The following CCDC85A variants were observed in gnomAD, a reference collection of about 807,000 sequenced individuals.
CCDC85A encodes coiled-coil domain-containing protein 85A.
Under a neutral mutation model 50.2 loss-of-function variants are expected in CCDC85A, and 38 were observed. The ratio of observed to expected loss-of-function variants is 0.76; its 90% CI spans 0.58 to 0.99. The LOEUF (loss-of-function observed/expected upper bound fraction) is 0.99. Ranked by LOEUF, CCDC85A falls within the 50% of genes least tolerant of loss-of-function variation. The probability of loss-of-function intolerance (pLI) is 0.00; values close to 1 mark genes in which losing one functional copy is unlikely to be tolerated. For missense variants in CCDC85A, 820 were observed against 742.0 expected, an observed-to-expected ratio of 1.11 and a Z score of -1.22; for synonymous variants, 366 against 301.4, an observed-to-expected ratio of 1.21 and a Z score of -2.22.
At chr2:56,257,016 A>T (rs1001043525) in intron 2 of CCDC85A, among the ~76,000 whole-genome samples, 1 of 152,118 alleles carries the variant, frequency 6.6e-6, no homozygotes, top group African/African-American at 2.4e-5. Flanking sequence ...ACTGAAGTCC[A>T]TATAGTACTG....
chr2:56,337,907 C>A (rs1674156970), intron 2 of CCDC85A, among the ~76,000 whole-genome samples: 1 of 151,920 alleles, frequency 6.6e-6, no homozygotes. Flanking sequence ...GCCTCAGCCT[C>A]CCGAGTAGCT....
chr2:56,284,318 C>T (rs934647148), intron 2 of CCDC85A, among the ~76,000 whole-genome samples: 1 of 152,124 alleles, frequency 6.6e-6, no homozygotes, highest in Admixed American at 6.5e-5. Context: ...TTCTACATTT[C>T]TGAATATAGT....
chr2:56,220,584 G>A (rs939207160), intron 2 of CCDC85A, among the ~76,000 whole-genome samples: 6 of 151,964 alleles, frequency 3.9e-5, no homozygotes, highest in South Asian at 4.1e-4. Context: ...TCAGTATTCC[G>A]TAAATTGCAG....
chr2:56,273,095 C>G (rs1030517851), intron 2 of CCDC85A, among the ~76,000 whole-genome samples: 1 of 151,954 alleles, frequency 6.6e-6, no homozygotes, highest in East Asian at 1.9e-4. Context: ...CTAAATAAAA[C>G]AGTATATAGC....
chr2:56,333,239 A>G (rs1673903421), intron 2 of CCDC85A, among the ~76,000 whole-genome samples: 1 of 152,086 alleles, frequency 6.6e-6, no homozygotes, highest in Non-Finnish European at 1.5e-5. Context: ...AAATGAGAGG[A>G]CTGGGCACGT....
At position 56,295,945 on chromosome 2, in the gene CCDC85A, A is replaced by G. The variant is rs535204758; in HGVS notation, c.1241-46934A>G. ...GCAAATCTAGCTGACAGGTTTTTCTACGACTTTCTAATTAAGTCTGTAAGT... is the reference window on the plus strand; with the variant it reads ...GCAAATCTAGCTGACAGGTTTTTCTGCGACTTTCTAATTAAGTCTGTAAGT... On this transcript the variant is annotated intron_variant, in intron 2 of 5. Transcript: ENST00000407595. 5.8e-4 allele frequency among the ~76,000 whole-genome samples: 89 copies of G among 152,346 alleles called. 1 individual carries two copies. The South Asian group carries it at 0.018, about 30-fold the overall frequency.
intron 2 of CCDC85A, among the ~76,000 whole-genome samples, chr2:56,211,406 A>G (rs1268678363): frequency 6.6e-6 from 1 of 151,736 alleles, no homozygotes; most frequent in Admixed American, 6.6e-5. Flanking sequence ...TTCCTCCTGC[A>G]TTTTTTTATT....
chr2:56,375,912 G>C lies in CCDC85A; in HGVS notation c.1549G>C (p.Glu517Gln). The C allele has an allele frequency of 6.2e-7, 1 of 1,613,790 alleles. No homozygotes were observed. Among genetic ancestry groups the C allele is most frequent in the South Asian group, 1.1e-5 (1 of 91,072 alleles). ...ACATGCCACACCTTCCCAGCAGCCT[G>C]AACCTGTGGTACATTCTCTTAAGGT... ...SGHATPSQQP[E>Q]PVVHSLKVVW... is the part of the protein sequence containing the mutation. Residue 517 changes from glutamate to glutamine, a missense_variant, in exon 5 of 6, where the codon GAA becomes CAA. Transcript: ENST00000407595.
At chr2:56,279,941 G>C (rs1671129834) in intron 2 of CCDC85A, among the ~76,000 whole-genome samples, 1 of 152,272 alleles carries the variant, frequency 6.6e-6, no homozygotes, top group East Asian at 1.9e-4. Flanking sequence ...TAACAAAGTT[G>C]GTGCTGTTAA....
At chr2:56,296,141 C>T (rs993042634) in intron 2 of CCDC85A, among the ~76,000 whole-genome samples, 6 of 152,098 alleles carry the variant, frequency 3.9e-5, no homozygotes, top group African/African-American at 7.2e-5. Context: ...ATGGGTATAG[C>T]TTTCATTGCC....
chr2:56,265,686 C>T (rs894704432), intron 2 of CCDC85A, among the ~76,000 whole-genome samples: 13 of 152,030 alleles, frequency 8.6e-5, no homozygotes, highest in Admixed American at 2.6e-4. Flanking sequence ...GCCTTGCACA[C>T]GGTTGGTGGT....
intron 1 of CCDC85A, 62 bp downstream of exon 1, chr2:56,184,962 G>A (rs1675941374): frequency 7.0e-7 from 1 of 1,428,012 alleles, no homozygotes. Flanking sequence ...CGAGGAGGAG[G>A]CGGGGCCAGG....
chr2:56,201,037 G>A (rs1264903816), intron 2 of CCDC85A, among the ~76,000 whole-genome samples: 2 of 146,938 alleles, frequency 1.4e-5, no homozygotes, highest in East Asian at 4.2e-4. Context: ...AGTGGATTTG[G>A]TAATTGCTCA....
At chr2:56,328,071 C>T (rs1673567541) in intron 2 of CCDC85A, among the ~76,000 whole-genome samples, 2 of 152,100 alleles carry the variant, frequency 1.3e-5, no homozygotes, top group South Asian at 2.1e-4. Context: ...TTAGAGCTGT[C>T]ATCTGAATCC....
chr2:56,371,657 G>A (rs756305740), intron 3 of CCDC85A, among the ~76,000 whole-genome samples: 2 of 152,060 alleles, frequency 1.3e-5, no homozygotes, highest in African/African-American at 2.4e-5. Context: ...GTTTGGTGAT[G>A]GAAAAAGCTA....
chr2:56,380,040 A>G (rs1211489103), intron 5 of CCDC85A, among the ~76,000 whole-genome samples: 2 of 152,182 alleles, frequency 1.3e-5, no homozygotes, highest in Non-Finnish European at 2.9e-5. Flanking sequence ...GTTACAGAAT[A>G]TTCAATTTAG....
intron 5 of CCDC85A, among the ~76,000 whole-genome samples, chr2:56,376,644 C>T (rs191789531): frequency 2.8e-4 from 43 of 152,062 alleles, no homozygotes; most frequent in Middle Eastern, 3.4e-3. Context: ...AATAAATAAA[C>T]AATATAAATA....
intron 3 of CCDC85A, among the ~76,000 whole-genome samples, chr2:56,354,566 A>G (rs1675126032): frequency 6.6e-6 from 1 of 152,188 alleles, no homozygotes; most frequent in African/African-American, 2.4e-5. Context: ...AAAGAATTGT[A>G]GGAGGCACAC....
At chr2:56,342,621 C>T (rs972076226) in intron 2 of CCDC85A, among the ~76,000 whole-genome samples, 3 of 152,276 alleles carry the variant, frequency 2.0e-5, no homozygotes, top group Admixed American at 1.3e-4. Flanking sequence ...TACTAATCGT[C>T]AATTGTGTGT....
Sources: gnomAD v4.1 joint callset for allele counts (sites outside exome capture counted in the v4.1 genomes callset) on GRCh38, gnomAD v4.1.1 for gene constraint, MANE v1.5 for transcripts, NCBI Gene and HGNC (gene_info 2026-07-23, HGNC 2026-07-21) for gene names.